The following ITGAV variants were observed in gnomAD, a reference collection of about 807,000 sequenced individuals.
The protein encoded by ITGAV is integrin alpha-V.
ITGAV carries 76 observed loss-of-function variants against 143.8 expected under a neutral mutation model. The observed-to-expected ratio is 0.53, with a 90% CI of 0.44 to 0.64. ITGAV has a LOEUF of 0.64. Ranked by LOEUF, ITGAV falls within the 30% of genes least tolerant of loss-of-function variation. The pLI is 0.00. For synonymous variants in ITGAV, 453 were observed against 446.7 expected (o/e 1.01, Z -0.18); for missense variants, 1,193 against 1,274.7 (o/e 0.94, Z 0.98).
chr2:186,593,421 T>A (rs1686667133), intron 1 of ITGAV, among the ~76,000 whole-genome samples: 1 of 151,512 alleles, frequency 6.6e-6, no homozygotes, highest in Non-Finnish European at 1.5e-5. Context: ...AATTCACAAA[T>A]ATAGTGATTT....
In ITGAV at chr2:186,590,388, C is replaced by G; in HGVS notation, c.50C>G (p.Pro17Arg). The G allele has an allele frequency of 6.2e-7, 1 of 1,601,776 alleles. No individual in the cohort carries two copies. The highest frequency in any genetic ancestry group is 8.5e-7 in the Non-Finnish European group (1 of 1,175,090). ...CTGCGCCTCGGTCCCCGCGGCCTCC[C>G]GCTTCTTCTCTCGGGACTCCTGCTA... Reference protein sequence around the residue: ...RRLRLGPRGLPLLLSGLLLPL... With the variant: ...RRLRLGPRGLRLLLSGLLLPL... The change falls in exon 1 of 30, where the codon CCG becomes CGG. Residue 17 changes from proline to arginine, a missense_variant. Pro to Arg is a moderately radical substitution (Grantham distance 103). Coordinates refer to ENST00000261023, the MANE Select transcript of ITGAV (RefSeq NM_002210.5).
chr2:186,667,844 C>A, intron 24 of ITGAV, 68 bp downstream of exon 24: 1 of 862,534 alleles, frequency 1.2e-6, no homozygotes, highest in Non-Finnish European at 1.8e-6. Flanking sequence ...AACTAAGCTA[C>A]TTTAAAAAAA....
At chr2:186,661,913 C>G (rs539100490) in intron 18 of ITGAV, among the ~76,000 whole-genome samples, 2 of 152,128 alleles carry the variant, frequency 1.3e-5, no homozygotes, top group Non-Finnish European at 2.9e-5. Context: ...ATACTAATTT[C>G]TTACTTTGTG....
chr2:186,644,811 A>G (rs1463970214), intron 12 of ITGAV, among the ~76,000 whole-genome samples: 1 of 141,690 alleles, frequency 7.1e-6, no homozygotes. Context: ...TGGGGGCAGC[A>G]TATATGTTTA....
rs1689330811 is a variant in ITGAV, at chr2:186,680,822, A to G, written c.*3530A>G. 6.6e-6 allele frequency: 1 copy of G among 152,640 alleles called. No homozygotes were observed. The highest frequency in any genetic ancestry group is 1.5e-5 in the Non-Finnish European group (1 of 68,016). 9.5% of individuals were successfully genotyped at this position (152,640 alleles called of 1,614,324 possible). A position where few individuals can be genotyped will look rare whatever the true frequency, so the allele number is the denominator to read the frequency against. On this transcript the variant is annotated 3_prime_UTR_variant, in exon 30 of 30. Coordinates refer to ENST00000261023, the MANE Select transcript of ITGAV (RefSeq NM_002210.5). The stretch of plus-strand genomic sequence containing the variant: ...GTAATTTGCTAACTTGATTTGAGTT[A>G]GTGAAAACTGGTACAGTGTTCTGCT...
chr2:186,643,464 A>G (rs1448551314), intron 12 of ITGAV, among the ~76,000 whole-genome samples: 1 of 152,174 alleles, frequency 6.6e-6, no homozygotes, highest in Non-Finnish European at 1.5e-5. Context: ...TATTTAGTAC[A>G]TATGTGCAAA....
intron 2 of ITGAV, among the ~76,000 whole-genome samples, chr2:186,615,708 A>G (rs2105675625): frequency 6.6e-6 from 1 of 151,758 alleles, no homozygotes; most frequent in South Asian, 2.1e-4. Context: ...TTTAGGATAC[A>G]AGTTTTTAAT....
Position 186,668,919 on chromosome 2 carries a change from A to T in ITGAV, c.2591A>T (p.Lys864Met). ...ATGGAGATCAACCCTTTGAGAATTA[A>T]GGTAATATGCTTAATAGCAGCTCTT... is the stretch of plus-strand genomic sequence containing the variant. ...SDMEINPLRI[K>M]ISSLQTTEKN... The change falls in exon 25 of 30, where the codon AAG (lysine) becomes ATG (methionine). Residue 864 changes from lysine to methionine, a missense_variant and splice_region_variant. Transcript: ENST00000261023. The T allele has an allele frequency of 1.9e-6, 3 of 1,605,534 alleles. No individual in the cohort carries two copies. Among genetic ancestry groups the T allele is most frequent in the Non-Finnish European group, 2.6e-6 (3 of 1,175,680 alleles).
At chr2:186,614,156 A>T (rs1240817818) in intron 2 of ITGAV, among the ~76,000 whole-genome samples, 3 of 152,060 alleles carry the variant, frequency 2.0e-5, no homozygotes, top group Admixed American at 6.6e-5. Context: ...TTTTTAAAAA[A>T]CCTTTAAAAC....
intron 10 of ITGAV, among the ~76,000 whole-genome samples, chr2:186,640,271 C>G (rs1688065257): frequency 1.3e-5 from 2 of 152,154 alleles, no homozygotes; most frequent in South Asian, 4.1e-4. Context: ...ATTTCTGCTC[C>G]CTGTGCATTA....
chr2:186,632,428 G>A (rs1446055677), intron 5 of ITGAV, among the ~76,000 whole-genome samples: 3 of 151,820 alleles, frequency 2.0e-5, no homozygotes, highest in African/African-American at 7.3e-5. Flanking sequence ...GTTCTTTTAC[G>A]TAGCCAAGGC....
At chr2:186,655,667 T>C (rs941207460) in intron 16 of ITGAV, among the ~76,000 whole-genome samples, 1 of 152,264 alleles carries the variant, frequency 6.6e-6, no homozygotes, top group Admixed American at 6.5e-5. Flanking sequence ...TACAAGGCAG[T>C]AATCCTAATT....
chr2:186,647,127 T>C (rs1688285687), intron 13 of ITGAV, among the ~76,000 whole-genome samples: 1 of 152,216 alleles, frequency 6.6e-6, no homozygotes, highest in African/African-American at 2.4e-5. Flanking sequence ...GAGAAGAGTA[T>C]TACAGAAGTT....
intron 2 of ITGAV, among the ~76,000 whole-genome samples, chr2:186,603,185 C>G (rs1222500704): frequency 6.6e-6 from 1 of 152,154 alleles, no homozygotes; most frequent in Non-Finnish European, 1.5e-5. Flanking sequence ...GTGTGACATT[C>G]TTCTAGTACA....
chr2:186,628,149 G>A (rs1217384628), intron 4 of ITGAV, among the ~76,000 whole-genome samples: 2 of 152,072 alleles, frequency 1.3e-5, no homozygotes, highest in African/African-American at 4.8e-5. Flanking sequence ...AACTTCTGAG[G>A]TATAAATTCA....
At chr2:186,613,085 C>T (rs957588310) in intron 2 of ITGAV, among the ~76,000 whole-genome samples, 2 of 149,986 alleles carry the variant, frequency 1.3e-5, no homozygotes, top group Non-Finnish European at 3.0e-5. Context: ...TTTAAAGTTT[C>T]TTCCTTTCCC....
intron 13 of ITGAV, 112 bp downstream of exon 13, chr2:186,646,989 T>A: frequency 1.3e-6 from 1 of 758,142 alleles, no homozygotes; most frequent in East Asian, 2.9e-5. Flanking sequence ...GTATTTCATA[T>A]GTTGATCAAA....
At chr2:186,599,332 C>G (rs1161448201) in intron 1 of ITGAV, among the ~76,000 whole-genome samples, 1 of 152,154 alleles carries the variant, frequency 6.6e-6, no homozygotes, top group Non-Finnish European at 1.5e-5. Flanking sequence ...CTCATTGCCC[C>G]TCCTCTTTCG....
At chr2:186,625,249 G>A (rs941421088) in intron 3 of ITGAV, among the ~76,000 whole-genome samples, 19 of 151,972 alleles carry the variant, frequency 1.3e-4, no homozygotes, top group East Asian at 9.7e-4. Flanking sequence ...GGTGGCATGC[G>A]CATGTGGTGC....
Sources: allele counts gnomAD v4.1 joint callset (sites outside exome capture counted in the v4.1 genomes callset), GRCh38; gene constraint gnomAD v4.1.1; transcripts MANE v1.5; gene names NCBI Gene and HGNC (gene_info 2026-07-23, HGNC 2026-07-21).